TNIK: variants seen among roughly 807,000 people sequenced by gnomAD.
The protein encoded by TNIK is TRAF2 and NCK interacting kinase, also known as TRAF2 and NCK-interacting protein kinase.
A neutral mutation model predicts 191.3 loss-of-function variants in TNIK; 49 were observed. The observed-to-expected ratio is 0.26, with a 90% CI of 0.20 to 0.32. The LOEUF is 0.32. Ranked by LOEUF, TNIK falls within the 10% of genes least tolerant of loss-of-function variation. TNIK has a pLI of 1.00. For synonymous variants in TNIK, 594 were observed against 600.9 expected, an observed-to-expected ratio of 0.99 and a Z score of 0.17; for missense variants, 1,155 against 1,702.3, an observed-to-expected ratio of 0.68 and a Z score of 5.66.
intron 2 of TNIK, among the ~76,000 whole-genome samples, chr3:171,290,575 C>A (rs942244007): frequency 6.6e-5 from 10 of 152,160 alleles, no homozygotes; most frequent in African/African-American, 2.4e-4. Flanking sequence ...ACATTAGATT[C>A]CATGTACCTG....
At chr3:171,349,082 A>T (rs1712724744) in intron 2 of TNIK, among the ~76,000 whole-genome samples, 1 of 151,990 alleles carries the variant, frequency 6.6e-6, no homozygotes, top group Admixed American at 6.6e-5. Flanking sequence ...ATATCCTAGA[A>T]TCCTAGAAAT....
At position 171,092,878 on chromosome 3, in the gene TNIK, G is replaced by T. The variant is rs1722243659; in HGVS notation, c.2721+961C>A. On this transcript the variant is annotated intron_variant, in intron 23 of 32. Transcript: ENST00000436636. Reference sequence around the variant, plus strand: ...TGAAGAGGAAAAACAGATGACATATGTTTATGTTTCAGAGGGAGGACTGGA... The same window carrying T: ...TGAAGAGGAAAAACAGATGACATATTTTTATGTTTCAGAGGGAGGACTGGA... Among the ~76,000 whole-genome samples, 3 of 152,202 alleles carry T rather than the reference G, an allele frequency of 2.0e-5. No individual in the cohort carries two copies. In the South Asian group the frequency reaches 6.2e-4, roughly 32 times the overall value.
chr3:171,262,103 G>A (rs1262373791), intron 2 of TNIK, among the ~76,000 whole-genome samples: 1 of 152,194 alleles, frequency 6.6e-6, no homozygotes, highest in Non-Finnish European at 1.5e-5. Flanking sequence ...ACCTCTCCAA[G>A]GGAGTTTTCA....
chr3:171,155,663 C>A (rs1228292733), intron 12 of TNIK, among the ~76,000 whole-genome samples: 2 of 152,218 alleles, frequency 1.3e-5, no homozygotes, highest in Non-Finnish European at 2.9e-5. Flanking sequence ...ACAAAGGAGG[C>A]CTTGGCAATA....
chr3:171,225,031 T>G (rs1742801374), intron 3 of TNIK, among the ~76,000 whole-genome samples: 1 of 152,220 alleles, frequency 6.6e-6, no homozygotes, highest in African/African-American at 2.4e-5. Context: ...TATGGCTTTA[T>G]CAGTTTTATA....
chr3:171,317,991 T>G (rs1354462739), intron 2 of TNIK, among the ~76,000 whole-genome samples: 1 of 152,182 alleles, frequency 6.6e-6, no homozygotes, highest in Non-Finnish European at 1.5e-5. Flanking sequence ...CTATAGTGCT[T>G]GACATTTAGA....
chr3:171,384,995 C>T (rs559279480), intron 1 of TNIK, among the ~76,000 whole-genome samples: 55 of 152,200 alleles, frequency 3.6e-4, no homozygotes, highest in Admixed American at 5.9e-4. Context: ...TTGCCAAATA[C>T]AAAGAAATGA....
chr3:171,103,192 A>ATGCACATT (rs200434745), intron 21 of TNIK, among the ~76,000 whole-genome samples: 6 of 151,946 alleles, frequency 3.9e-5, no homozygotes, highest in South Asian at 2.1e-4. Context: ...TTTTGCACAC[A>ATGCACATT]TGCACATTTG....
intron 2 of TNIK, among the ~76,000 whole-genome samples, chr3:171,303,124 T>TA (rs1236417914): frequency 1.3e-5 from 2 of 152,126 alleles, no homozygotes; most frequent in Non-Finnish European, 2.9e-5. Context: ...ATCACACACG[T>TA]AAAAAATAAT....
chr3:171,153,371 C>G (rs1269208631), intron 12 of TNIK, among the ~76,000 whole-genome samples: 1 of 151,948 alleles, frequency 6.6e-6, no homozygotes, highest in Non-Finnish European at 1.5e-5. Context: ...ATTTTTGACC[C>G]CTCTTCTATG....
chr3:171,063,750 G>T lies in TNIK; in HGVS notation c.*131C>A. ...GACTGTACTGGGAGGGGCGGAGGGA[G>T]AGGAAAAAGGGAAAGCGATATGTTC... On this transcript the variant is annotated 3_prime_UTR_variant, in exon 33 of 33. Transcript: ENST00000436636. 1.2e-6 allele frequency: 1 copy of T among 829,580 alleles called. No homozygotes were observed. Among genetic ancestry groups the T allele is most frequent in the Non-Finnish European group, 1.9e-6 (1 of 531,666 alleles). The allele number at this position is 829,580 out of a possible 1,614,324, so 51.4% of individuals were successfully genotyped here. A position where few individuals can be genotyped will look rare whatever the true frequency, so the allele number is the denominator to read the frequency against.
chr3:171,296,139 C>T (rs1281484779), intron 2 of TNIK, among the ~76,000 whole-genome samples: 1 of 152,168 alleles, frequency 6.6e-6, no homozygotes, highest in Non-Finnish European at 1.5e-5. Flanking sequence ...TGTCAGATCA[C>T]AGTAGAACTC....
At chr3:171,308,832 A>G (rs890403357) in intron 2 of TNIK, among the ~76,000 whole-genome samples, 8 of 152,154 alleles carry the variant, frequency 5.3e-5, no homozygotes, top group Non-Finnish European at 1.2e-4. Context: ...GAGAAATGCA[A>G]ACCAAAACCA....
At chr3:171,370,132 C>T (rs542147880) in intron 1 of TNIK, among the ~76,000 whole-genome samples, 13 of 152,242 alleles carry the variant, frequency 8.5e-5, no homozygotes, top group Non-Finnish European at 1.8e-4. Context: ...GAAGGGTGTT[C>T]GTGCATTGTG....
intron 10 of TNIK, among the ~76,000 whole-genome samples, chr3:171,163,981 A>G (rs1734306594): frequency 6.6e-6 from 1 of 152,238 alleles, no homozygotes; most frequent in South Asian, 2.1e-4. Context: ...GAAAGTGAAA[A>G]GTAATATTAG....
intron 3 of TNIK, among the ~76,000 whole-genome samples, chr3:171,222,866 G>A (rs1182634197): frequency 1.3e-5 from 2 of 152,012 alleles, no homozygotes; most frequent in African/African-American, 4.8e-5. Context: ...TCTTGCATTG[G>A]CTCTAGTAGT....
At chr3:171,246,949 G>A (rs536669161) in intron 2 of TNIK, among the ~76,000 whole-genome samples, 2 of 152,320 alleles carry the variant, frequency 1.3e-5, no homozygotes, top group South Asian at 4.1e-4. Flanking sequence ...AAGACTGGGG[G>A]GAAGACAAGG....
chr3:171,353,360 A>G (rs1273279116), intron 2 of TNIK, among the ~76,000 whole-genome samples: 1 of 152,170 alleles, frequency 6.6e-6, no homozygotes, highest in African/African-American at 2.4e-5. Flanking sequence ...TAAATTTTGC[A>G]AGGTTTAGAC....
chr3:171,166,454 CT>C (rs1460977693), intron 10 of TNIK, among the ~76,000 whole-genome samples: 1 of 152,134 alleles, frequency 6.6e-6, no homozygotes, highest in East Asian at 1.9e-4. Flanking sequence ...CAAGTTTGGA[CT>C]CATGTTCTTT....
Sources: allele counts gnomAD v4.1 joint callset (sites outside exome capture counted in the v4.1 genomes callset), GRCh38; gene constraint gnomAD v4.1.1; transcripts MANE v1.5; gene names NCBI Gene and HGNC (gene_info 2026-07-23, HGNC 2026-07-21).